The following BMERB1 variants were observed in gnomAD, a reference collection of about 807,000 sequenced individuals.
The protein encoded by BMERB1 is bMERB domain-containing protein 1.
In BMERB1, 12 loss-of-function variants were observed where a neutral mutation model predicts 23.6. The ratio of observed to expected loss-of-function variants is 0.51; its 90% confidence interval spans 0.33 to 0.82. BMERB1 has a LOEUF of 0.82. Ranked by LOEUF, BMERB1 falls within the 40% of genes least tolerant of loss-of-function variation. BMERB1 has a pLI of 0.03. For missense variants in BMERB1, 247 were observed against 255.4 expected, an observed-to-expected ratio of 0.97 and a Z score of 0.22; for synonymous variants, 122 against 96.6, an observed-to-expected ratio of 1.26 and a Z score of -1.54.
chr16:15,587,595 C>G lies in BMERB1; in HGVS notation c.*766C>G. The G allele has an allele frequency of 2.2e-6, 1 of 449,710 alleles. No homozygotes were observed. Among genetic ancestry groups the G allele is most frequent in the South Asian group, 1.6e-5 (1 of 63,944 alleles). 27.9% of individuals were successfully genotyped at this position (449,710 alleles called of 1,614,324 possible). On this transcript the variant is annotated 3_prime_UTR_variant, in exon 6 of 6. Transcript: ENST00000300006. ...GGAAGCTCTGATGTCAAGGCCAGAG[C>G]AGTTGAGAATGGGACCCAGAGTAGA...
chr16:15,526,955 A>ATATTTTAT (rs2051913786), intron 2 of BMERB1, among the ~76,000 whole-genome samples: 1 of 146,964 alleles, frequency 6.8e-6, no homozygotes, highest in Non-Finnish European at 1.5e-5. Context: ...ATAATAAATC[A>ATATTTTAT]TATTTTATTA....
At chr16:15,439,167 C>T (rs3893231) in intron 1 of BMERB1, among the ~76,000 whole-genome samples, 3,467 of 152,152 alleles carry the variant, frequency 0.023, 58 homozygotes, top group Middle Eastern at 0.065. Flanking sequence ...ATGTAATGTG[C>T]TATATCAGAG....
intron 1 of BMERB1, among the ~76,000 whole-genome samples, chr16:15,507,559 G>GCT (rs1338798382): frequency 8.3e-4 from 127 of 152,280 alleles, no homozygotes; most frequent in Non-Finnish European, 9.3e-4. Context: ...GCTTGGAAGT[G>GCT]TGCGTGAGAG....
At chr16:15,577,866 T>C (rs950480223) in intron 3 of BMERB1, among the ~76,000 whole-genome samples, 2 of 152,224 alleles carry the variant, frequency 1.3e-5, no homozygotes, top group Non-Finnish European at 2.9e-5. Flanking sequence ...GACTCCGCCA[T>C]TTTGCCTCTT....
At chr16:15,511,656 T>C (rs532281705) in intron 1 of BMERB1, among the ~76,000 whole-genome samples, 1 of 152,302 alleles carries the variant, frequency 6.6e-6, no homozygotes, top group African/African-American at 2.4e-5. Flanking sequence ...TCAAATATTT[T>C]CCTCTCCCCA....
chr16:15,507,479 G>A (rs1449047347), intron 1 of BMERB1, among the ~76,000 whole-genome samples: 1 of 152,178 alleles, frequency 6.6e-6, no homozygotes, highest in Non-Finnish European at 1.5e-5. Flanking sequence ...AATGACAGCA[G>A]TGGCAGTTGG....
At chr16:15,549,741 A>G (rs996638064) in intron 2 of BMERB1, among the ~76,000 whole-genome samples, 1 of 151,986 alleles carries the variant, frequency 6.6e-6, no homozygotes, top group Non-Finnish European at 1.5e-5. Flanking sequence ...CACATGAAAC[A>G]ATCAGGGGAC....
intron 1 of BMERB1, among the ~76,000 whole-genome samples, chr16:15,436,906 A>AAAAACATTTTAAAATAAAAATTTTAAAAC (rs1282198452): frequency 5.9e-5 from 9 of 152,198 alleles, no homozygotes; most frequent in African/African-American, 1.9e-4. Context: ...CTAGATTTAA[A>AAAAACATTTTAAAATAAAAATTTTAAAAC]AAAACATTTT....
chr16:15,540,094 C>G (rs1226434533), intron 2 of BMERB1, among the ~76,000 whole-genome samples: 1 of 152,018 alleles, frequency 6.6e-6, no homozygotes, highest in African/African-American at 2.4e-5. Context: ...CTGCAGTGAG[C>G]TGATATCACG....
At chr16:15,444,873 G>A (rs1016828999) in intron 1 of BMERB1, among the ~76,000 whole-genome samples, 3 of 152,126 alleles carry the variant, frequency 2.0e-5, no homozygotes, top group African/African-American at 7.2e-5. Context: ...ATAACCATGA[G>A]GAATTATATA....
intron 1 of BMERB1, among the ~76,000 whole-genome samples, chr16:15,442,088 T>C (rs1027202900): frequency 6.6e-6 from 1 of 152,094 alleles, no homozygotes; most frequent in Non-Finnish European, 1.5e-5. Context: ...CCCAGCACTT[T>C]GGGAGACCGA....
chr16:15,437,774 C>T (rs568603159), intron 1 of BMERB1, among the ~76,000 whole-genome samples: 3 of 152,146 alleles, frequency 2.0e-5, no homozygotes, highest in Non-Finnish European at 2.9e-5. Flanking sequence ...CTGGCTAACA[C>T]GGTGAAACCC....
chr16:15,448,420 A>G (rs141142893), intron 1 of BMERB1, among the ~76,000 whole-genome samples: 8 of 152,290 alleles, frequency 5.3e-5, no homozygotes, highest in African/African-American at 1.9e-4. Context: ...TATGTCTCAG[A>G]AGGAAAGAAG....
chr16:15,440,400 A>G (rs562471529), intron 1 of BMERB1, among the ~76,000 whole-genome samples: 1 of 152,208 alleles, frequency 6.6e-6, no homozygotes, highest in African/African-American at 2.4e-5. Flanking sequence ...AAAGTTGTGT[A>G]CTGACTAACA....
chr16:15,505,510 A>G lies in BMERB1; in HGVS notation c.107-9795A>G, dbSNP rs1013874166. Among the ~76,000 whole-genome samples, 11 of 152,322 alleles carry G rather than the reference A, an allele frequency of 7.2e-5. No individual in the cohort carries two copies. The East Asian group carries it at 2.1e-3, about 29-fold the overall frequency. On this transcript the variant is annotated intron_variant, in intron 1 of 5. Coordinates refer to ENST00000300006, the MANE Select transcript of BMERB1 (RefSeq NM_033201.3). ...GCTTTGTTTCCTCAGGTTTATTTTC[A>G]TGGCTATTTTCTAATTATGCCAAGT...
At chr16:15,562,707 T>C (rs2150970258) in intron 2 of BMERB1, among the ~76,000 whole-genome samples, 1 of 152,272 alleles carries the variant, frequency 6.6e-6, no homozygotes, top group Admixed American at 6.5e-5. Flanking sequence ...CATTGCCAAA[T>C]GTTCCTGGGG....
intron 1 of BMERB1, among the ~76,000 whole-genome samples, chr16:15,441,240 G>C (rs549851657): frequency 1.3e-5 from 2 of 152,196 alleles, no homozygotes; most frequent in South Asian, 4.1e-4. Flanking sequence ...TTGTTTTTGA[G>C]ACAGGGTCTC....
chr16:15,508,863 A>C (rs1428436409), intron 1 of BMERB1, among the ~76,000 whole-genome samples: 1 of 151,636 alleles, frequency 6.6e-6, no homozygotes, highest in Non-Finnish European at 1.5e-5. Context: ...TGAGGTTTAC[A>C]ATGAGCCCAA....
At chr16:15,514,262 A>G (rs183610278) in intron 1 of BMERB1, among the ~76,000 whole-genome samples, 4 of 152,298 alleles carry the variant, frequency 2.6e-5, no homozygotes, top group African/African-American at 9.6e-5. Flanking sequence ...AGTGAGGCCT[A>G]GTCTCCAAAA....
Sources: allele counts gnomAD v4.1 joint callset (sites outside exome capture counted in the v4.1 genomes callset), GRCh38; gene constraint gnomAD v4.1.1; transcripts MANE v1.5; gene names NCBI Gene and HGNC (gene_info 2026-07-23, HGNC 2026-07-21).